The following ERBB4 variants were observed in gnomAD, a reference collection of about 807,000 sequenced individuals.
ERBB4 encodes receptor tyrosine-protein kinase erbB-4.
In ERBB4, 42 loss-of-function variants were observed where a neutral mutation model predicts 158.0. That is an observed-to-expected ratio of 0.27 (90% CI 0.21 to 0.34). The LOEUF (loss-of-function observed/expected upper bound fraction) is 0.34. ERBB4 is among the 10% of genes least tolerant of loss of function. The pLI, the probability that ERBB4 is intolerant of heterozygous loss-of-function variation, is 1.00. For synonymous variants in ERBB4, 583 were observed against 558.7 expected, an observed-to-expected ratio of 1.04 and a Z score of -0.61; for missense variants, 1,333 against 1,624.1, an observed-to-expected ratio of 0.82 and a Z score of 3.08.
chr2:211,512,885 C>G (rs1197609043), intron 20 of ERBB4, among the ~76,000 whole-genome samples: 1 of 152,088 alleles, frequency 6.6e-6, no homozygotes, highest in Non-Finnish European at 1.5e-5. Context: ...AGTTACCTCA[C>G]AAGTTCTGAG....
At chr2:212,018,892 C>A (rs537401278) in intron 2 of ERBB4, among the ~76,000 whole-genome samples, 10 of 152,140 alleles carry the variant, frequency 6.6e-5, no homozygotes, top group African/African-American at 1.9e-4. Flanking sequence ...AAGGCATGCA[C>A]AAAGTGTAGT....
intron 20 of ERBB4, among the ~76,000 whole-genome samples, chr2:211,527,304 C>T (rs1371584918): frequency 1.3e-5 from 2 of 151,526 alleles, no homozygotes; most frequent in Admixed American, 1.3e-4. Context: ...ATTTAATGTG[C>T]TGGAAAAAAA....
At chr2:212,127,509 A>G (rs4672640) in intron 1 of ERBB4, among the ~76,000 whole-genome samples, 10,756 of 152,108 alleles carry the variant, frequency 0.071, 582 homozygotes, top group South Asian at 0.24. Context: ...GGAGAATGGC[A>G]TGAACCCGGG....
At chr2:212,113,573 C>CAAAAAAAAAAAAA (rs35545899) in intron 2 of ERBB4, among the ~76,000 whole-genome samples, 1 of 64,246 alleles carries the variant, frequency 1.6e-5, no homozygotes, top group African/African-American at 6.2e-5. Context: ...GACTCCATCT[C>CAAAAAAAAAAAAA]AAAAAAAAAA....
At chr2:212,165,522 T>C (rs1191301568) in intron 1 of ERBB4, among the ~76,000 whole-genome samples, 2 of 152,038 alleles carry the variant, frequency 1.3e-5, no homozygotes, top group African/African-American at 2.4e-5. Context: ...GCCAGTGAGA[T>C]AGAAGAAGTG....
At chr2:211,921,052 A>G (rs934488783) in intron 3 of ERBB4, among the ~76,000 whole-genome samples, 2 of 152,020 alleles carry the variant, frequency 1.3e-5, no homozygotes, top group East Asian at 3.8e-4. Context: ...TTTTATCTGT[A>G]TAACACTGGA....
Position 211,712,083 on chromosome 2 carries a change from C to T in ERBB4, c.1091G>A (p.Gly364Glu), listed in dbSNP as rs2106080819. ...DKFINCTKIN[G>E]NLIFLVTGIH... ...ACCAGTGACTAGAAAGATCAAATTC[C>T]CATTGATCTTGGTACAGTTTATGAA... is the stretch of plus-strand genomic sequence containing the variant. Residue 364 changes from glycine to glutamate, a missense_variant, in exon 9 of 28, where the codon GGG (glycine) becomes GAG (glutamate). Transcript: ENST00000342788. 6.2e-7 allele frequency: 1 copy of T among 1,609,576 alleles called. No individual in the cohort carries two copies. Among genetic ancestry groups the T allele is most frequent in the Non-Finnish European group, 8.5e-7 (1 of 1,176,072 alleles).
chr2:211,990,523 A>AAAATAAATAAAT (rs199775547), intron 2 of ERBB4, among the ~76,000 whole-genome samples: 131 of 134,440 alleles, frequency 9.7e-4, no homozygotes, highest in Non-Finnish European at 1.7e-3. Context: ...AATAAAAATA[A>AAAATAAATAAAT]AAATAAATAA....
intron 4 of ERBB4, among the ~76,000 whole-genome samples, chr2:211,773,625 TATATATA>T (rs1473885697): frequency 4.7e-4 from 29 of 62,218 alleles, no homozygotes; most frequent in African/African-American, 2.3e-3. Context: ...TATATATATA[TATATATA>T]TATATATATA....
intron 25 of ERBB4, among the ~76,000 whole-genome samples, chr2:211,396,974 G>A (rs1413012210): frequency 7.9e-5 from 12 of 152,170 alleles, no homozygotes; most frequent in Admixed American, 7.2e-4. Context: ...TCTGAATAAT[G>A]TACTGTGAAT....
intron 4 of ERBB4, among the ~76,000 whole-genome samples, chr2:211,774,486 T>A (rs2075823400): frequency 6.6e-6 from 1 of 152,186 alleles, no homozygotes; most frequent in South Asian, 2.1e-4. Context: ...TTTGTTTATA[T>A]CCGCCTCTTC....
rs2070379768 is a variant in ERBB4, at chr2:211,636,813, T to G, written c.1947-6219A>C. On this transcript the variant is annotated intron_variant, in intron 16 of 27. Transcript: ENST00000342788. ...TATGAAAGGGAATAATTCTATGAAA[T>G]CTGACATCTTCATTTTTAGTAGATT... Among the ~76,000 whole-genome samples, 2 of 151,972 alleles carry G rather than the reference T, an allele frequency of 1.3e-5. 1 individual carries two copies. Among genetic ancestry groups the G allele is most frequent in the South Asian group, 4.1e-4 (2 of 4,834 alleles).
intron 1 of ERBB4, among the ~76,000 whole-genome samples, chr2:212,241,983 A>G (rs2084125152): frequency 6.6e-6 from 1 of 152,028 alleles, no homozygotes; most frequent in African/African-American, 2.4e-5. Context: ...TGAATGAAAA[A>G]AAATTCAAAT....
intron 1 of ERBB4, among the ~76,000 whole-genome samples, chr2:212,205,114 G>C (rs756220389): frequency 2.6e-5 from 4 of 151,994 alleles, no homozygotes; most frequent in Non-Finnish European, 5.9e-5. Flanking sequence ...CACCGTGCCT[G>C]GCCAACTTCC....
chr2:211,643,720 G>T (rs2070686751), intron 16 of ERBB4, among the ~76,000 whole-genome samples: 1 of 151,956 alleles, frequency 6.6e-6, no homozygotes, highest in South Asian at 2.1e-4. Context: ...GGCTTTACGT[G>T]TATCAGACTT....
In ERBB4 at chr2:212,426,602, C is replaced by T. The variant is rs913204679; in HGVS notation, c.82+111847G>A. 3.3e-5 allele frequency among the ~76,000 whole-genome samples: 5 copies of T among 152,016 alleles called. No homozygotes were observed. The East Asian group carries it at 7.7e-4, about 23-fold the overall frequency. On this transcript the variant is annotated intron_variant, in intron 1 of 27. Transcript: ENST00000342788. ...ATATGAAAGTTCCTCAAGGTTCCTG[C>T]GTGTTTATATCTAACATCACTGATC...
At chr2:211,645,592 A>G (rs2070756807) in intron 16 of ERBB4, among the ~76,000 whole-genome samples, 1 of 151,702 alleles carries the variant, frequency 6.6e-6, no homozygotes, top group African/African-American at 2.4e-5. Flanking sequence ...TAACATGATT[A>G]ATGGCATCAT....
chr2:211,544,380 C>T (rs2066889071), intron 20 of ERBB4, among the ~76,000 whole-genome samples: 1 of 151,982 alleles, frequency 6.6e-6, no homozygotes, highest in Non-Finnish European at 1.5e-5. Context: ...ATCAATTAGG[C>T]ATGGGTACCA....
chr2:212,026,502 A>T (rs935728107), intron 2 of ERBB4, among the ~76,000 whole-genome samples: 2 of 151,870 alleles, frequency 1.3e-5, no homozygotes, highest in Non-Finnish European at 3.0e-5. Context: ...TAGGAAAAGA[A>T]ATTTCAAACC....
Sources: allele counts gnomAD v4.1 joint callset (sites outside exome capture counted in the v4.1 genomes callset), GRCh38; gene constraint gnomAD v4.1.1; transcripts MANE v1.5; gene names NCBI Gene and HGNC (gene_info 2026-07-23, HGNC 2026-07-21).